SPATA3: variants seen among roughly 807,000 people sequenced by gnomAD.
SPATA3 encodes the protein spermatogenesis-associated protein 3.
A neutral mutation model predicts 5.7 loss-of-function variants in SPATA3; 6 were observed. The ratio of observed to expected loss-of-function variants is 1.06; its 90% CI spans 0.58 to 2.09. The LOEUF is 2.09. SPATA3 is among the 30% of genes most tolerant of loss of function. SPATA3 has a pLI of 0.00. For synonymous variants in SPATA3, 44 were observed against 48.4 expected (o/e 0.91, Z 0.37); for missense variants, 155 against 130.4 (o/e 1.19, Z -0.92).
At chr2:231,003,681 C>T (rs764007299), downstream of SPATA3, among the ~76,000 whole-genome samples, 50 of 152,156 alleles carry the variant, frequency 3.3e-4, no homozygotes, top group Non-Finnish European at 5.6e-4. Flanking sequence ...GAGGGTGCTT[C>T]CCTAGAGGAG....
downstream of SPATA3, among the ~76,000 whole-genome samples, chr2:231,005,438 A>C: frequency 1.8e-5 from 1 of 54,680 alleles, no homozygotes; most frequent in Non-Finnish European, 3.7e-5. Flanking sequence ...CACCACCACA[A>C]TCACCACCAT....
downstream of SPATA3, chr2:231,002,895 A>C: frequency 1.4e-6 from 1 of 693,438 alleles, no homozygotes; most frequent in Non-Finnish European, 2.2e-6. Flanking sequence ...CCGGCCTCTC[A>C]AGGGAAGCTT....
chr2:231,018,728 C>G (rs1692993666), intron 6 of SPATA3, among the ~76,000 whole-genome samples: 1 of 151,944 alleles, frequency 6.6e-6, no homozygotes, highest in Non-Finnish European at 1.5e-5. Context: ...CTCTGTCACC[C>G]AGGCTGGAGT....
chr2:230,996,129 G>T, intron 1 of SPATA3: 1 of 1,254,322 alleles, frequency 8.0e-7, no homozygotes, highest in Non-Finnish European at 1.1e-6. Flanking sequence ...CCAGCTGGAG[G>T]CCCAAGCCAG....
At chr2:231,005,346 TCACCATCACCACCAC>T (rs1559197715), downstream of SPATA3, among the ~76,000 whole-genome samples, 1 of 61,152 alleles carries the variant, frequency 1.6e-5, no homozygotes, top group Non-Finnish European at 3.3e-5. Flanking sequence ...ATCACCATCA[TCACCATCACCACCAC>T]CACCATCATC....
downstream of SPATA3, among the ~76,000 whole-genome samples, chr2:231,009,386 G>A (rs1692723483): frequency 6.6e-6 from 1 of 152,220 alleles, no homozygotes; most frequent in Non-Finnish European, 1.5e-5. Context: ...CCCCCGGGCA[G>A]TGGTGAAAAC....
chr2:231,000,526 C>T, exon 2 of SPATA3: 1 of 1,533,858 alleles, frequency 6.5e-7, no homozygotes, highest in East Asian at 2.5e-5. Context: ...CCAACCTGCT[C>T]ACCTTCTACA....
At position 231,000,221 on chromosome 2, in the gene SPATA3, T is replaced by G. The variant is rs938289980; in HGVS notation, c.791-145T>G. On this transcript the variant is annotated intron_variant, in intron 1 of 2. Transcript: ENST00000645363. ...TAGTTCAGTCCCAAATCCTCAATGA[T>G]GCCTTGGAAAAAATCCAGCGTTCGC... is the stretch of plus-strand genomic sequence containing the variant. 23 of 694,856 alleles carry G rather than the reference T, an allele frequency of 3.3e-5. No individual in the cohort carries two copies. In the South Asian group the frequency reaches 5.5e-4, roughly 17 times the overall value. 43.0% of individuals were successfully genotyped at this position (694,856 alleles called of 1,614,324 possible). A position where few individuals can be genotyped will look rare whatever the true frequency, so the allele number is the denominator to read the frequency against.
intron 6 of SPATA3, among the ~76,000 whole-genome samples, chr2:231,019,368 G>A (rs939773748): frequency 6.7e-6 from 1 of 148,490 alleles, no homozygotes; most frequent in African/African-American, 2.5e-5. Flanking sequence ...CTGTTGCCCA[G>A]GCTGGAGTGC....
downstream of SPATA3, among the ~76,000 whole-genome samples, chr2:231,006,201 GAAAAA>G (rs34214730): frequency 1.2e-4 from 12 of 104,046 alleles, no homozygotes; most frequent in Admixed American, 5.2e-4. Flanking sequence ...CCTGTCTCAA[GAAAAA>G]AAAAAAAAAA....
At chr2:231,015,360 G>C (rs1268536756) in intron 6 of SPATA3, among the ~76,000 whole-genome samples, 4 of 144,790 alleles carry the variant, frequency 2.8e-5, no homozygotes, top group Non-Finnish European at 5.9e-5. Flanking sequence ...GGGATTTCAG[G>C]TGTGAGCCAC....
chr2:231,002,635 G>T (rs567747976), intron 2 of SPATA3, 49 bp from the exon 3 acceptor site: 13 of 1,192,884 alleles, frequency 1.1e-5, no homozygotes, highest in Middle Eastern at 2.0e-4. Flanking sequence ...TCGTAGAGAG[G>T]CACTGAAGCC....
intron 1 of SPATA3, among the ~76,000 whole-genome samples, chr2:230,997,375 T>A (rs1574654202): frequency 6.6e-6 from 1 of 152,220 alleles, no homozygotes; most frequent in East Asian, 1.9e-4. Context: ...GAACTGTAAG[T>A]TCCACAAACC....
exon 7 of SPATA3, chr2:231,019,839 C>G (rs1406867559): frequency 6.6e-6 from 1 of 150,792 alleles, no homozygotes; most frequent in Non-Finnish European, 1.5e-5. Flanking sequence ...GAAACCAATA[C>G]CCCAAAATAT....
At chr2:231,016,871 CCTT>C (rs956202936) in intron 6 of SPATA3, among the ~76,000 whole-genome samples, 10 of 152,226 alleles carry the variant, frequency 6.6e-5, no homozygotes, top group South Asian at 2.1e-4. Flanking sequence ...ACAACAGACT[CCTT>C]CTCTCCTCTC....
intron 6 of SPATA3, among the ~76,000 whole-genome samples, chr2:231,016,213 T>C (rs1227658971): frequency 6.6e-6 from 1 of 151,926 alleles, no homozygotes; most frequent in East Asian, 1.9e-4. Flanking sequence ...TCTAAATGAG[T>C]CAATTCCACC....
downstream of SPATA3, among the ~76,000 whole-genome samples, chr2:231,005,585 ATCC>A (rs1692593208): frequency 1.0e-4 from 6 of 57,372 alleles, no homozygotes; most frequent in South Asian, 5.9e-4. Context: ...CACCATCATC[ATCC>A]TCACCATCAC....
chr2:231,000,028 G>A (rs1692283934), intron 1 of SPATA3, among the ~76,000 whole-genome samples: 2 of 152,248 alleles, frequency 1.3e-5, no homozygotes, highest in Middle Eastern at 3.4e-3. Flanking sequence ...GCATCCTGAA[G>A]GTGTAAGCCA....
chr2:231,018,632 G>C (rs4429463), intron 6 of SPATA3, among the ~76,000 whole-genome samples: 15,888 of 152,084 alleles, frequency 0.1, 1,190 homozygotes, highest in African/African-American at 0.21. Flanking sequence ...CTACACCCCA[G>C]AATCAAGGAA....
Sources: gnomAD v4.1 joint callset for allele counts (sites outside exome capture counted in the v4.1 genomes callset) on GRCh38, gnomAD v4.1.1 for gene constraint, MANE v1.5 for transcripts, NCBI Gene and HGNC (gene_info 2026-07-23, HGNC 2026-07-21) for gene names.